GLMN: variants seen among roughly 807,000 people sequenced by gnomAD.
The protein encoded by GLMN is glomulin, FKBP associated protein.
A neutral mutation model predicts 87.8 loss-of-function variants in GLMN; 75 were observed. The ratio of observed to expected loss-of-function variants is 0.85; its 90% CI spans 0.71 to 1.04. GLMN has a LOEUF of 1.04. Ranked by LOEUF, GLMN falls within the 50% of genes least tolerant of loss-of-function variation. The probability of loss-of-function intolerance (pLI) is 0.00; values close to 1 mark genes in which losing one functional copy is unlikely to be tolerated. For synonymous variants in GLMN, 206 were observed against 221.6 expected (o/e 0.93, Z 0.63); for missense variants, 588 against 658.8 (o/e 0.89, Z 1.18).
chr1:92,270,839 T>C (rs577624363), intron 8 of GLMN, among the ~76,000 whole-genome samples: 23 of 152,074 alleles, frequency 1.5e-4, no homozygotes, highest in Non-Finnish European at 2.6e-4. Flanking sequence ...AAAGGCCAAA[T>C]AGGAAAATTC....
the GLMN span, among the ~76,000 whole-genome samples, chr1:92,334,223 A>G: frequency 6.6e-6 from 1 of 152,222 alleles, no homozygotes; most frequent in Admixed American, 6.5e-5. Context: ...CAAGGCATAA[A>G]GAAGAGTGAA....
intron 16 of GLMN, among the ~76,000 whole-genome samples, chr1:92,258,308 G>A (rs1338585775): frequency 6.6e-6 from 1 of 152,176 alleles, no homozygotes; most frequent in East Asian, 1.9e-4. Flanking sequence ...GTTGGTGGGA[G>A]TCTAAATTAG....
intron 13 of GLMN, among the ~76,000 whole-genome samples, chr1:92,264,873 G>A (rs1054791915): frequency 1.3e-5 from 2 of 152,030 alleles, no homozygotes; most frequent in Admixed American, 6.6e-5. Flanking sequence ...ACAGAGTCTC[G>A]CCCTGTCGCC....
At chr1:92,248,019 G>T in intron 16 of GLMN, 30 bp from the exon 17 acceptor site, 1 of 881,190 alleles carries the variant, frequency 1.1e-6, no homozygotes, top group Non-Finnish European at 1.9e-6. Flanking sequence ...GAGTTATTTA[G>T]TTCAACAATG....
At chr1:92,341,563 C>T in the GLMN span, among the ~76,000 whole-genome samples, 5 of 149,740 alleles carry the variant, frequency 3.3e-5, no homozygotes, top group Non-Finnish European at 6.0e-5. Context: ...ACAGCAGACA[C>T]TCTAAATACA....
intron 5 of GLMN, among the ~76,000 whole-genome samples, chr1:92,289,620 A>G (rs1019138228): frequency 6.6e-6 from 1 of 152,194 alleles, no homozygotes; most frequent in Non-Finnish European, 1.5e-5. Context: ...GAGATAAACG[A>G]ATTTCCTAAA....
rs763215259 is a variant in GLMN at position 92,291,491 on chromosome 1, C to T, written c.212G>A (p.Arg71Gln). ...CTCTTTATCTTTACACAAAAGGCAT[C>T]GAACAACAGGACCAACGAGATTCCA... Reference protein sequence around the residue: ...MGWNLVGPVVRCLLCKDKEDS... With the variant: ...MGWNLVGPVVQCLLCKDKEDS... The change falls in exon 4 of 19, where the codon CGA (arginine) becomes CAA (glutamine). Residue 71 changes from arginine to glutamine, a missense_variant. By Grantham distance (43) the Arg-to-Gln change is conservative (BLOSUM62 1). Transcript: ENST00000370360. 9.3e-6 allele frequency: 15 copies of T among 1,610,804 alleles called. No homozygotes were observed. The highest frequency in any genetic ancestry group is 2.2e-5 in the East Asian group (1 of 44,834).
At chr1:92,282,020 TAA>T (rs1211092568) in intron 7 of GLMN, among the ~76,000 whole-genome samples, 1 of 152,080 alleles carries the variant, frequency 6.6e-6, no homozygotes. Flanking sequence ...CACACGATAA[TAA>T]TGGGAGACTT....
rs75029984 is a variant in GLMN, at chr1:92,262,220, C to T, written c.1473+643G>A. On this transcript the variant is annotated intron_variant, in intron 16 of 18. Coordinates refer to ENST00000370360, the MANE Select transcript of GLMN (RefSeq NM_053274.3). ...AAAAACCAATTAACAACACATGATT[C>T]AGGTAGTTCTAGCTAATAGAGGTGA... is the stretch of plus-strand genomic sequence containing the variant. Among the ~76,000 whole-genome samples, 1,208 of 152,106 alleles carry T rather than the reference C, an allele frequency of 7.9e-3. 17 individuals carry two copies. The highest frequency in any genetic ancestry group is 0.027 in the African/African-American group (1,118 of 41,510).
the GLMN span, among the ~76,000 whole-genome samples, chr1:92,325,683 CA>C: frequency 6.6e-6 from 1 of 152,160 alleles, no homozygotes; most frequent in East Asian, 1.9e-4. Context: ...CTACCCAAGC[CA>C]AGAAATAGGT....
At chr1:92,303,974 T>C, upstream of GLMN, 1 of 1,590,090 alleles carries the variant, frequency 6.3e-7, no homozygotes, top group South Asian at 1.1e-5. Context: ...CATTTCATTT[T>C]AGGGGAGGTT....
intron 16 of GLMN, among the ~76,000 whole-genome samples, chr1:92,261,313 TA>T (rs1225875289): frequency 6.6e-6 from 1 of 152,140 alleles, no homozygotes; most frequent in African/African-American, 2.4e-5. Context: ...AAGTGAAAAA[TA>T]AAGAGTACTT....
chr1:92,255,631 T>C (rs1206720785), intron 16 of GLMN, among the ~76,000 whole-genome samples: 3 of 152,138 alleles, frequency 2.0e-5, no homozygotes, highest in Non-Finnish European at 4.4e-5. Context: ...CAGAACTACA[T>C]GGAAACTGAA....
chr1:92,336,638 T>C, the GLMN span, among the ~76,000 whole-genome samples: 2 of 152,166 alleles, frequency 1.3e-5, no homozygotes, highest in East Asian at 3.8e-4. Flanking sequence ...TATTTCACTT[T>C]GGATAGTTTA....
chr1:92,331,488 C>T, the GLMN span, among the ~76,000 whole-genome samples: 1 of 152,032 alleles, frequency 6.6e-6, no homozygotes, highest in African/African-American at 2.4e-5. Flanking sequence ...TTTTTATATA[C>T]TCTTTTACTG....
chr1:92,311,813 C>T, the GLMN span, among the ~76,000 whole-genome samples: 6 of 152,070 alleles, frequency 3.9e-5, no homozygotes, highest in Non-Finnish European at 8.8e-5. Flanking sequence ...TGTGCAGTAG[C>T]GTTATATCTT....
At chr1:92,322,308 G>T in the GLMN span, among the ~76,000 whole-genome samples, 1 of 149,936 alleles carries the variant, frequency 6.7e-6, no homozygotes, top group Non-Finnish European at 1.5e-5. Context: ...AGTTTGGGAG[G>T]CCAAGACAGG....
At chr1:92,312,844 C>T in the GLMN span, among the ~76,000 whole-genome samples, 55 of 150,388 alleles carry the variant, frequency 3.7e-4, no homozygotes, top group African/African-American at 1.3e-3. Flanking sequence ...TTTTTTCAGA[C>T]AGAGTCTCAC....
the GLMN span, among the ~76,000 whole-genome samples, chr1:92,348,029 C>T: frequency 1.3e-5 from 2 of 152,090 alleles, no homozygotes; most frequent in South Asian, 4.1e-4. Context: ...GCTGCCTTAG[C>T]CTCCTGAGTA....
Sources: gnomAD v4.1 joint callset for allele counts (sites outside exome capture counted in the v4.1 genomes callset) on GRCh38, gnomAD v4.1.1 for gene constraint, MANE v1.5 for transcripts, NCBI Gene and HGNC (gene_info 2026-07-23, HGNC 2026-07-21) for gene names.